PPP4R2: variants seen among roughly 807,000 people sequenced by gnomAD.
PPP4R2 encodes protein phosphatase 4 regulatory subunit 2.
PPP4R2 carries 13 observed loss-of-function variants against 47.2 expected under a neutral mutation model. The observed-to-expected ratio is 0.28, with a 90% CI of 0.18 to 0.44. The LOEUF (loss-of-function observed/expected upper bound fraction) is 0.44. Among genes scored for constraint, PPP4R2 ranks in the 20% least tolerant of loss-of-function variants. The pLI is 1.00. For missense variants in PPP4R2, 421 were observed against 491.2 expected (o/e 0.86, Z 1.35); for synonymous variants, 151 against 163.3 (o/e 0.92, Z 0.57).
In PPP4R2 at chr3:73,067,173, A is replaced by G. The variant is rs1195537237; in HGVS notation, c.*1451A>G. 1 of 152,182 alleles carries G rather than the reference A, an allele frequency of 6.6e-6. No individual in the cohort carries two copies. The highest frequency in any genetic ancestry group is 2.4e-5 in the African/African-American group (1 of 41,468). The allele number at this position is 152,182 out of a possible 1,614,324, so 9.4% of individuals were successfully genotyped here. On this transcript the variant is annotated 3_prime_UTR_variant, in exon 9 of 9. Coordinates refer to ENST00000356692, the MANE Select transcript of PPP4R2 (RefSeq NM_174907.4). ...TTCAATACAGTATTCATATAAAGCA[A>G]TAAATATTAATGTTATGAAATATTT...
chr3:72,998,871 A>T (rs908040332), intron 2 of PPP4R2, among the ~76,000 whole-genome samples: 1 of 152,024 alleles, frequency 6.6e-6, no homozygotes, highest in African/African-American at 2.4e-5. Context: ...TGCATCTTTG[A>T]TGACTTCTTT....
chr3:73,039,668 G>C (rs1040959056), intron 2 of PPP4R2, among the ~76,000 whole-genome samples: 2 of 152,276 alleles, frequency 1.3e-5, no homozygotes, highest in African/African-American at 4.8e-5. Context: ...GTGTGCTGCA[G>C]GTTTCTAGTG....
intron 2 of PPP4R2, among the ~76,000 whole-genome samples, chr3:73,001,358 G>A (rs567584231): frequency 2.6e-5 from 4 of 152,102 alleles, no homozygotes; most frequent in Non-Finnish European, 5.9e-5. Flanking sequence ...GAGCCCAGGA[G>A]TTCGAGACCA....
intron 5 of PPP4R2, chr3:73,063,124 G>A (rs1192902474): frequency 1.9e-6 from 1 of 523,856 alleles, no homozygotes; most frequent in Non-Finnish European, 3.4e-6. Context: ...CCCAAACTTA[G>A]CAACAGCGGC....
intron 2 of PPP4R2, among the ~76,000 whole-genome samples, chr3:73,004,871 T>TG (rs1491041581): frequency 0.019 from 902 of 46,424 alleles, 7 homozygotes; most frequent in African/African-American, 0.055. Flanking sequence ...GTGTGTGTGT[T>TG]TGTTTGTTTG....
chr3:73,033,739 G>A (rs1049312757), intron 2 of PPP4R2, among the ~76,000 whole-genome samples: 1 of 152,104 alleles, frequency 6.6e-6, no homozygotes, highest in African/African-American at 2.4e-5. Context: ...CTTTGAGTTT[G>A]ATGGATTTTA....
At position 73,010,763 on chromosome 3, in the gene PPP4R2, C is replaced by T. The variant is rs1054428927; in HGVS notation, c.116+12605C>T. 1.4e-4 allele frequency among the ~76,000 whole-genome samples: 22 copies of T among 152,302 alleles called. No individual in the cohort carries two copies. The Middle Eastern group carries it at 0.01, about 71-fold the overall frequency. ...CCATGTTGGCCAGGCTGGCCTTCAACTCCTGACCTCAGATGATCCACCTGC... is the reference window on the plus strand; with the variant it reads ...CCATGTTGGCCAGGCTGGCCTTCAATTCCTGACCTCAGATGATCCACCTGC... On this transcript the variant is annotated intron_variant, in intron 2 of 8. Transcript: ENST00000356692.
At chr3:73,049,889 ATTC>A (rs1467285975) in intron 3 of PPP4R2, among the ~76,000 whole-genome samples, 4 of 152,042 alleles carry the variant, frequency 2.6e-5, no homozygotes, top group African/African-American at 9.7e-5. Flanking sequence ...ATGCCTGAGC[ATTC>A]TTCTTTTACA....
intron 2 of PPP4R2, among the ~76,000 whole-genome samples, chr3:73,046,433 C>G (rs1443493574): frequency 2.0e-5 from 3 of 152,156 alleles, no homozygotes; most frequent in Admixed American, 1.3e-4. Flanking sequence ...GTTAGCATTC[C>G]TGACTCCCGT....
chr3:73,055,840 C>G (rs1200471029), intron 3 of PPP4R2, among the ~76,000 whole-genome samples: 1 of 152,074 alleles, frequency 6.6e-6, no homozygotes, highest in Non-Finnish European at 1.5e-5. Flanking sequence ...CTCCTGACCT[C>G]AGGGGATCGC....
intron 2 of PPP4R2, among the ~76,000 whole-genome samples, chr3:73,029,714 A>C (rs1002195507): frequency 2.6e-5 from 4 of 152,146 alleles, no homozygotes; most frequent in Non-Finnish European, 5.9e-5. Flanking sequence ...TAGTATTAAA[A>C]ACTCCAGACT....
rs1352455785 is a variant in PPP4R2, at chr3:73,047,373, G to A, written c.287+17G>A. 1.3e-6 allele frequency: 2 copies of A among 1,488,530 alleles called. No individual in the cohort carries two copies. The highest frequency in any genetic ancestry group is 2.9e-5 in the African/African-American group (2 of 70,132). 92.2% of individuals were successfully genotyped at this position (1,488,530 alleles called of 1,614,324 possible). ...ATTTAATGGGTATGCACTTAATACT[G>A]TTTTAAAGATTTAATTTTTAGCAGA... is the stretch of plus-strand genomic sequence containing the variant. On this transcript the variant is annotated intron_variant, in intron 3 of 8. Transcript: ENST00000356692.
At position 73,066,667 on chromosome 3, in the gene PPP4R2, A is replaced by G. The variant is rs1251053502; in HGVS notation, c.*945A>G. ...CTTGACCTTTTGCTTGCTTTTCTGA[A>G]CATTGTGAATATTACACATGTCTTT... On this transcript the variant is annotated 3_prime_UTR_variant, in exon 9 of 9. Coordinates refer to ENST00000356692, the MANE Select transcript of PPP4R2 (RefSeq NM_174907.4). 1 of 152,084 alleles carries G rather than the reference A, an allele frequency of 6.6e-6. No individual in the cohort carries two copies. The highest frequency in any genetic ancestry group is 2.4e-5 in the African/African-American group (1 of 41,436). 9.4% of individuals were successfully genotyped at this position (152,084 alleles called of 1,614,324 possible).
At chr3:73,062,690 C>T in intron 5 of PPP4R2, 2 of 1,613,982 alleles carry the variant, frequency 1.2e-6, no homozygotes, top group Non-Finnish European at 1.7e-6. Flanking sequence ...AGATTTGCAC[C>T]AGCAGTCTCC....
chr3:73,063,669 A>G lies in PPP4R2; in HGVS notation c.420-4A>G. On this transcript the variant is annotated splice_region_variant and splice_polypyrimidine_tract_variant and intron_variant, in intron 5 of 8. Transcript: ENST00000356692. ...ATCCACAAGTGTATTTTCTTTTCTT[A>G]TAGGAAAAACAATTCCAATAGTTTA... 1 of 1,556,150 alleles carries G rather than the reference A, an allele frequency of 6.4e-7. No individual in the cohort carries two copies. The highest frequency in any genetic ancestry group is 8.9e-7 in the Non-Finnish European group (1 of 1,128,446).
chr3:73,001,754 T>C (rs1448675917), intron 2 of PPP4R2, among the ~76,000 whole-genome samples: 1 of 152,114 alleles, frequency 6.6e-6, no homozygotes, highest in African/African-American at 2.4e-5. Flanking sequence ...TTCTCCTGCC[T>C]CAGCCTCCTG....
chr3:73,029,666 G>A (rs1197408493), intron 2 of PPP4R2, among the ~76,000 whole-genome samples: 1 of 152,160 alleles, frequency 6.6e-6, no homozygotes, highest in East Asian at 1.9e-4. Context: ...GTGGATGATT[G>A]GGGATCAGGA....
At chr3:73,034,095 T>G (rs1211456166) in intron 2 of PPP4R2, among the ~76,000 whole-genome samples, 1 of 152,136 alleles carries the variant, frequency 6.6e-6, no homozygotes, top group Non-Finnish European at 1.5e-5. Context: ...GTTTTTGATT[T>G]AAAATAATCA....
chr3:73,010,600 C>G (rs1033767545), intron 2 of PPP4R2, among the ~76,000 whole-genome samples: 1 of 152,050 alleles, frequency 6.6e-6, no homozygotes, highest in Non-Finnish European at 1.5e-5. Flanking sequence ...ACTCTGTCTC[C>G]CAGGCTGGAG....
Sources: gnomAD v4.1 joint callset for allele counts (sites outside exome capture counted in the v4.1 genomes callset) on GRCh38, gnomAD v4.1.1 for gene constraint, MANE v1.5 for transcripts, NCBI Gene and HGNC (gene_info 2026-07-23, HGNC 2026-07-21) for gene names.